MYOM2: variants seen among roughly 807,000 people sequenced by gnomAD.
MYOM2 encodes the protein myomesin 2.
Under a neutral mutation model 187.6 loss-of-function variants are expected in MYOM2, and 254 were observed. The observed-to-expected ratio is 1.35, with a 90% confidence interval of 1.22 to 1.50. The LOEUF (loss-of-function observed/expected upper bound fraction) is 1.50. Ranked by LOEUF, MYOM2 falls within the 40% of genes most tolerant of loss-of-function variation. The pLI is 0.00. For missense variants in MYOM2, 2,796 were observed against 1,924.0 expected (o/e 1.45, Z -8.48); for synonymous variants, 981 against 753.8 (o/e 1.30, Z -4.94).
At chr8:2,052,551 G>T (rs1191771292) in intron 3 of MYOM2, among the ~76,000 whole-genome samples, 2 of 152,210 alleles carry the variant, frequency 1.3e-5, no homozygotes, top group African/African-American at 4.8e-5. Context: ...CCATTTTGCA[G>T]AAGAGAGCGT....
chr8:2,052,974 G>C (rs1818542308), intron 3 of MYOM2, among the ~76,000 whole-genome samples: 1 of 152,196 alleles, frequency 6.6e-6, no homozygotes, highest in African/African-American at 2.4e-5. Context: ...ATTATTTCCA[G>C]ATGACGGAGA....
intron 32 of MYOM2, 39 bp downstream of exon 32, chr8:2,129,271 T>G: frequency 6.9e-7 from 1 of 1,451,922 alleles, no homozygotes; most frequent in Non-Finnish European, 9.7e-7. Flanking sequence ...ATGCCATAGA[T>G]GGGGCTGTCC....
intron 21 of MYOM2, 146 bp downstream of exon 21, chr8:2,102,927 TAAATG>T (rs774649752): frequency 2.4e-5 from 15 of 633,836 alleles, no homozygotes; most frequent in Non-Finnish European, 4.2e-5. Context: ...GGTCTGTAGA[TAAATG>T]AATGGGAGAG....
chr8:2,072,543 C>G lies in MYOM2; in HGVS notation c.958+34C>G, dbSNP rs6993501. The G allele has an allele frequency of 0.015, 24,625 of 1,592,228 alleles. 2,232 individuals carry two copies. The African/African-American group carries it at 0.24, about 15-fold the overall frequency. On this transcript the variant is annotated intron_variant, in intron 9 of 36. Transcript: ENST00000262113. ...GACACGGCCCAGACCCGGGCACACA[C>G]CAGGAGGCTTTTGGACGGAAATGTC... is the stretch of plus-strand genomic sequence containing the variant.
At chr8:2,086,606 G>T (rs1313190743) in intron 14 of MYOM2, among the ~76,000 whole-genome samples, 1 of 152,162 alleles carries the variant, frequency 6.6e-6, no homozygotes, top group African/African-American at 2.4e-5. Flanking sequence ...TGGGGAAAAT[G>T]AGGTTAGGGC....
intron 25 of MYOM2, among the ~76,000 whole-genome samples, chr8:2,111,943 G>A (rs1797081050): frequency 6.6e-6 from 1 of 152,212 alleles, no homozygotes; most frequent in African/African-American, 2.4e-5. Flanking sequence ...AATTGCGAAG[G>A]TGATTTTTGT....
chr8:2,116,861 C>T (rs1434007372), intron 27 of MYOM2, among the ~76,000 whole-genome samples: 4 of 152,116 alleles, frequency 2.6e-5, no homozygotes, highest in Non-Finnish European at 5.9e-5. Context: ...GGGTTCACGC[C>T]GTTCTCCTGC....
chr8:2,064,368 C>T (rs1818944980), intron 6 of MYOM2, among the ~76,000 whole-genome samples: 1 of 152,158 alleles, frequency 6.6e-6, no homozygotes, highest in Admixed American at 6.5e-5. Context: ...AAACAGAAGG[C>T]CTAACTTACC....
rs570076394 is a variant in MYOM2, at chr8:2,063,451, A to G, written c.653+4206A>G. Among the ~76,000 whole-genome samples, 321 of 152,346 alleles carry G rather than the reference A, an allele frequency of 2.1e-3. 1 individual carries two copies. The highest frequency in any genetic ancestry group is 7.4e-3 in the African/African-American group (306 of 41,584). ...ATTGACACTGTTTTATATGCTCATA[A>G]GATTTTCCCATGGGACTCATGATGT... On this transcript the variant is annotated intron_variant, in intron 6 of 36. Coordinates refer to ENST00000262113, the MANE Select transcript of MYOM2 (RefSeq NM_003970.4).
At position 2,128,192 on chromosome 8, in the gene MYOM2, C is replaced by T. The variant is rs188356153; in HGVS notation, c.3695-935C>T. Among the ~76,000 whole-genome samples, 641 of 152,282 alleles carry T rather than the reference C, an allele frequency of 4.2e-3. 6 individuals carry two copies. Among genetic ancestry groups the T allele is most frequent in the African/African-American group, 0.015 (610 of 41,552 alleles). Reference sequence around the variant, plus strand: ...TAATTGTACAATGCACACCTTTGGGCAAGCAAAGGCTCTTTCAGGATTTAG... The same window carrying T: ...TAATTGTACAATGCACACCTTTGGGTAAGCAAAGGCTCTTTCAGGATTTAG... On this transcript the variant is annotated intron_variant, in intron 31 of 36. Transcript: ENST00000262113.
rs371798384 is a variant in MYOM2 at position 2,094,017 on chromosome 8, T to A, written c.2051T>A (p.Val684Asp). The A allele has an allele frequency of 1.9e-6, 3 of 1,614,064 alleles. No individual in the cohort carries two copies. The highest frequency in any genetic ancestry group is 2.5e-6 in the Non-Finnish European group (3 of 1,180,018). ...ACGGGAGAGCAGTACATCTTCCGAG[T>A]CAAGGCGGTCAATGCTGTGGGGATG... Reference protein sequence around the residue: ...LTTGEQYIFRVKAVNAVGMSE... With the variant: ...LTTGEQYIFRDKAVNAVGMSE... The change falls in exon 17 of 37, where the codon GTC becomes GAC. Residue 684 changes from valine (V) to aspartate (D), a missense_variant. Coordinates refer to ENST00000262113, the MANE Select transcript of MYOM2 (RefSeq NM_003970.4).
chr8:2,124,277 C>T (rs1797558937), intron 31 of MYOM2, 60 bp downstream of exon 31: 6 of 1,496,192 alleles, frequency 4.0e-6, no homozygotes, highest in South Asian at 2.3e-5. Flanking sequence ...TATTTCCTGA[C>T]ACGGGAAGTC....
Position 2,057,062 on chromosome 8 carries a change from C to T in MYOM2, c.264-286C>T, listed in dbSNP as rs367973843. On this transcript the variant is annotated intron_variant, in intron 3 of 36. Transcript: ENST00000262113. Reference sequence around the variant, plus strand: ...GGCCTCCAAGCGGTTTGCAGTTGTGCACTGTCAGTGGTGAAAGAAAGTTGG... The same window carrying T: ...GGCCTCCAAGCGGTTTGCAGTTGTGTACTGTCAGTGGTGAAAGAAAGTTGG... Among the ~76,000 whole-genome samples the T allele has an allele frequency of 1.6e-4, 24 of 152,316 alleles. 1 individual carries two copies. In the South Asian group the frequency reaches 4.8e-3, roughly 30 times the overall value.
intron 15 of MYOM2, 70 bp from the exon 16 acceptor site, chr8:2,092,276 C>G (rs2235121): frequency 2.0e-6 from 3 of 1,537,328 alleles, no homozygotes; most frequent in Non-Finnish European, 2.7e-6. Flanking sequence ...TGAAAAGGGC[C>G]GGAAGATCTC....
intron 18 of MYOM2, 133 bp from the exon 19 acceptor site, chr8:2,098,724 T>C (rs1796579816): frequency 1.0e-6 from 1 of 990,508 alleles, no homozygotes; most frequent in Non-Finnish European, 1.4e-6. Context: ...TCCTGAAATA[T>C]TTGGTCCAAT....
rs1395777355 is a variant in MYOM2, at chr8:2,094,107, G to A, written c.2125+16G>A. 1.2e-6 allele frequency: 2 copies of A among 1,613,842 alleles called. No homozygotes were observed. The highest frequency in any genetic ancestry group is 1.7e-6 in the Non-Finnish European group (2 of 1,179,900). On this transcript the variant is annotated intron_variant, in intron 17 of 36. Transcript: ENST00000262113. ...GCCGCACTCAGTAAGTCACTCACAG[G>A]CTGTTGTGTGCCGATTGCTCCCATA...
At chr8:2,129,655 G>C (rs749376786) in intron 32 of MYOM2, among the ~76,000 whole-genome samples, 2 of 152,096 alleles carry the variant, frequency 1.3e-5, no homozygotes, top group Non-Finnish European at 2.9e-5. Context: ...ATTAAAAACA[G>C]AAGAAAACAA....
Position 2,123,572 on chromosome 8 carries a change from C to A in MYOM2, c.3585C>A (p.His1195Gln). The A allele has an allele frequency of 6.2e-7, 1 of 1,613,684 alleles. No individual in the cohort carries two copies. Among genetic ancestry groups the A allele is most frequent in the East Asian group, 2.2e-5 (1 of 44,882 alleles). Residue 1195 changes from histidine to glutamine, a missense_variant, in exon 30 of 37, where the codon CAC becomes CAA. Physicochemically the swap from His to Gln is conservative, Grantham distance 24 (BLOSUM62 0). Coordinates refer to ENST00000262113, the MANE Select transcript of MYOM2 (RefSeq NM_003970.4). Reference sequence around the variant, plus strand: ...CTTTGTAGTTGTCAAAGAAGGACCACGGTGAATACAAGGCAACCTTGAAAG... The same window carrying A: ...CTTTGTAGTTGTCAAAGAAGGACCAAGGTGAATACAAGGCAACCTTGAAAG... ...LLIPKLSKKD[H>Q]GEYKATLKDD...
chr8:2,095,977 C>T (rs762952631), intron 17 of MYOM2, among the ~76,000 whole-genome samples: 3 of 152,106 alleles, frequency 2.0e-5, no homozygotes, highest in Non-Finnish European at 4.4e-5. Flanking sequence ...AGATTTAAAC[C>T]GTTCATCCTA....
Sources: gnomAD v4.1 joint callset for allele counts (sites outside exome capture counted in the v4.1 genomes callset) on GRCh38, gnomAD v4.1.1 for gene constraint, MANE v1.5 for transcripts, NCBI Gene and HGNC (gene_info 2026-07-23, HGNC 2026-07-21) for gene names.